ARHGAP32: variants seen among roughly 807,000 people sequenced by gnomAD.
ARHGAP32 encodes rho GTPase-activating protein 32.
In ARHGAP32, 51 loss-of-function variants were observed where a neutral mutation model predicts 186.5. The observed-to-expected ratio is 0.27, with a 90% CI of 0.22 to 0.35. The LOEUF (loss-of-function observed/expected upper bound fraction) is 0.35. Ranked by LOEUF, ARHGAP32 falls within the 10% of genes least tolerant of loss-of-function variation. The pLI, the probability that ARHGAP32 is intolerant of heterozygous loss-of-function variation, is 1.00. For synonymous variants in ARHGAP32, 950 were observed against 964.3 expected (o/e 0.99, Z 0.27); for missense variants, 2,186 against 2,623.5 (o/e 0.83, Z 3.64).
chr11:129,174,106 G>C (rs1755201138), intron 1 of ARHGAP32, among the ~76,000 whole-genome samples: 1 of 152,222 alleles, frequency 6.6e-6, no homozygotes. Flanking sequence ...AGCCAAAGCA[G>C]GGCGAGGCAT....
At chr11:129,107,999 C>G (rs1423963197) in intron 5 of ARHGAP32, among the ~76,000 whole-genome samples, 2 of 151,468 alleles carry the variant, frequency 1.3e-5, no homozygotes, top group South Asian at 2.1e-4. Context: ...AAGAGAACAG[C>G]CATATAAAAT....
At chr11:129,145,776 T>C (rs1205207935) in intron 2 of ARHGAP32, among the ~76,000 whole-genome samples, 1 of 152,156 alleles carries the variant, frequency 6.6e-6, no homozygotes, top group Non-Finnish European at 1.5e-5. Context: ...AGACTCCAAC[T>C]ATCAGAGTTC....
intron 1 of ARHGAP32, among the ~76,000 whole-genome samples, chr11:129,207,425 G>C (rs529358445): frequency 6.6e-6 from 1 of 152,016 alleles, no homozygotes; most frequent in Non-Finnish European, 1.5e-5. Flanking sequence ...TTTAATGATC[G>C]CCATTCTAAC....
chr11:129,013,869 T>C (rs906686909), intron 11 of ARHGAP32, among the ~76,000 whole-genome samples: 6 of 152,164 alleles, frequency 3.9e-5, no homozygotes, highest in African/African-American at 1.4e-4. Context: ...GTTAATTCTA[T>C]CAGAAGATTT....
At chr11:129,144,120 C>A (rs1943120592) in intron 2 of ARHGAP32, among the ~76,000 whole-genome samples, 1 of 152,160 alleles carries the variant, frequency 6.6e-6, no homozygotes, top group African/African-American at 2.4e-5. Flanking sequence ...GTGTGAATAT[C>A]CGCAAAAGAA....
chr11:129,193,674 A>AC (rs1565464822), upstream of ARHGAP32, among the ~76,000 whole-genome samples: 304 of 49,810 alleles, frequency 6.1e-3, no homozygotes, highest in Middle Eastern at 0.02. Context: ...TATTATATAT[A>AC]ATATATAATA....
chr11:128,978,183 G>A (rs921071249), intron 19 of ARHGAP32, among the ~76,000 whole-genome samples: 4 of 152,152 alleles, frequency 2.6e-5, no homozygotes, highest in South Asian at 4.1e-4. Context: ...ACTGAATGAC[G>A]AATTAAATGA....
At chr11:129,205,289 T>A (rs990853897) in intron 1 of ARHGAP32, among the ~76,000 whole-genome samples, 1 of 152,158 alleles carries the variant, frequency 6.6e-6, no homozygotes, top group Admixed American at 6.5e-5. Flanking sequence ...ATAATAAGGC[T>A]GTTTTTAAGT....
intron 2 of ARHGAP32, among the ~76,000 whole-genome samples, chr11:129,138,276 C>T (rs1335390399): frequency 3.6e-5 from 5 of 139,896 alleles, no homozygotes; most frequent in African/African-American, 1.3e-4. Context: ...TAATATAAGC[C>T]ACAAGTATAC....
Position 128,969,324 on chromosome 11 carries a change from C to T in ARHGAP32, c.5889G>A (p.Glu1963=), listed in dbSNP as rs1308317739. The change falls in exon 23 of 23, where the codon GAG becomes GAA. Residue 1963 remains glutamate, a synonymous_variant. Transcript: ENST00000682385. This position sits in a 1 kb window ranked among gnomAD's most constrained non-coding sequence, Gnocchi z 4.8. ...HKEVRLSKEM[E]RPWVRQPSAP... ...CAGAAGGCTGCCTAACCCAGGGTCG[C>T]TCCATCTCTTTGGAGAGCCTTACCT... 6.2e-7 allele frequency: 1 copy of T among 1,614,220 alleles called. No individual in the cohort carries two copies. Among genetic ancestry groups the T allele is most frequent in the Non-Finnish European group, 8.5e-7 (1 of 1,180,044 alleles).
intron 5 of ARHGAP32, among the ~76,000 whole-genome samples, chr11:129,117,670 T>G (rs1942406493): frequency 6.6e-6 from 1 of 151,992 alleles, no homozygotes; most frequent in South Asian, 2.1e-4. Context: ...TTAATTTAAC[T>G]TAATGTTTTG....
chr11:129,015,774 CTCTTT>C (rs1208450277), intron 11 of ARHGAP32, among the ~76,000 whole-genome samples: 1 of 152,134 alleles, frequency 6.6e-6, no homozygotes, highest in African/African-American at 2.4e-5. Context: ...TTACAATATT[CTCTTT>C]TAAGTATATA....
intron 6 of ARHGAP32, among the ~76,000 whole-genome samples, chr11:129,092,166 G>C (rs993557240): frequency 2.6e-5 from 4 of 151,970 alleles, no homozygotes; most frequent in African/African-American, 9.6e-5. Flanking sequence ...ACAATTATAC[G>C]TTATAATATT....
chr11:129,158,227 A>T (rs1480830731), intron 2 of ARHGAP32, among the ~76,000 whole-genome samples: 3 of 152,174 alleles, frequency 2.0e-5, no homozygotes, highest in African/African-American at 7.2e-5. Context: ...ACATAACAAT[A>T]TTAACCTTAA....
At chr11:129,243,871 T>C (rs921262835) in intron 1 of ARHGAP32, among the ~76,000 whole-genome samples, 1 of 152,252 alleles carries the variant, frequency 6.6e-6, no homozygotes, top group Non-Finnish European at 1.5e-5. Flanking sequence ...AGAGCTCTCG[T>C]AGCACTGTGA....
intron 2 of ARHGAP32, among the ~76,000 whole-genome samples, chr11:129,142,853 CT>C (rs539507605): frequency 2.0e-5 from 3 of 151,504 alleles, no homozygotes; most frequent in Non-Finnish European, 4.4e-5. Flanking sequence ...CCACTTTTCA[CT>C]TTTTTTAACA....
chr11:129,096,293 C>T (rs575132589), intron 5 of ARHGAP32, among the ~76,000 whole-genome samples: 39 of 152,200 alleles, frequency 2.6e-4, no homozygotes, highest in African/African-American at 9.4e-4. Context: ...GCAAACAACA[C>T]GCAAAAGCAC....
intron 1 of ARHGAP32, among the ~76,000 whole-genome samples, chr11:129,189,756 C>T (rs1944237673): frequency 6.6e-6 from 1 of 152,082 alleles, no homozygotes; most frequent in Non-Finnish European, 1.5e-5. Flanking sequence ...ATCCTTTCCT[C>T]CAACTGAGTC....
At chr11:129,067,476 A>G (rs1391598464) in intron 6 of ARHGAP32, among the ~76,000 whole-genome samples, 1 of 151,986 alleles carries the variant, frequency 6.6e-6, no homozygotes, top group African/African-American at 2.4e-5. Context: ...TCTTGAATCT[A>G]TCACTTCTTG....
Sources: gnomAD v4.1 joint callset for allele counts (sites outside exome capture counted in the v4.1 genomes callset) on GRCh38, gnomAD v4.1.1 for gene constraint, Gnocchi (gnomAD v3.1) non-coding constraint, MANE v1.5 for transcripts, NCBI Gene and HGNC (gene_info 2026-07-23, HGNC 2026-07-21) for gene names.